Variants in MAML3 observed in about 807,000 individuals in gnomAD.
MAML3 encodes mastermind-like protein 3.
A neutral mutation model predicts 101.9 loss-of-function variants in MAML3; 27 were observed. The observed-to-expected ratio is 0.27, with a 90% CI of 0.20 to 0.37. MAML3 has a LOEUF of 0.37. Among genes scored for constraint, MAML3 ranks in the 10% least tolerant of loss-of-function variants. MAML3 has a pLI of 1.00. For missense variants in MAML3, 1,316 were observed against 1,444.9 expected (o/e 0.91, Z 1.45); for synonymous variants, 501 against 555.9 (o/e 0.90, Z 1.39).
chr4:139,755,307 A>C (rs917307655), intron 2 of MAML3, among the ~76,000 whole-genome samples: 1 of 152,236 alleles, frequency 6.6e-6, no homozygotes, highest in South Asian at 2.1e-4. Flanking sequence ...ATGTGGATTT[A>C]AGAAAACTGT....
intron 2 of MAML3, among the ~76,000 whole-genome samples, chr4:139,805,138 G>A (rs577279475): frequency 3.9e-5 from 6 of 152,170 alleles, no homozygotes; most frequent in Non-Finnish European, 8.8e-5. Context: ...GAGCCGAGAT[G>A]TAGTCATTGC....
rs1192869421 is a variant in MAML3 at position 140,104,359 on chromosome 4, AT to A, written c.468+48500del. ...CTGTCTCAAAAAAAAAACCAAACCT[AT>A]TTTATATATATATATAATATATATA... On this transcript the variant is annotated intron_variant, in intron 1 of 4. Transcript: ENST00000509479. Among the ~76,000 whole-genome samples the A allele has an allele frequency of 1.4e-4, 12 of 87,020 alleles. No individual in the cohort carries two copies. The South Asian group carries it at 3.8e-3, about 27-fold the overall frequency. 57.1% of individuals were successfully genotyped at this position (87,020 alleles called of 152,430 possible). A position where few individuals can be genotyped will look rare whatever the true frequency, so the allele number is the denominator to read the frequency against.
At chr4:139,935,356 T>C (rs2110732500) in intron 1 of MAML3, among the ~76,000 whole-genome samples, 1 of 152,306 alleles carries the variant, frequency 6.6e-6, no homozygotes, top group African/African-American at 2.4e-5. Flanking sequence ...GTTTTATATA[T>C]TGAATTATCT....
intron 3 of MAML3, among the ~76,000 whole-genome samples, chr4:139,729,855 C>T (rs1369509987): frequency 6.6e-6 from 1 of 152,150 alleles, no homozygotes; most frequent in African/African-American, 2.4e-5. Flanking sequence ...GTTTTAAAAG[C>T]TGTGGGGAGT....
intron 1 of MAML3, among the ~76,000 whole-genome samples, chr4:139,897,745 C>G (rs1015997156): frequency 6.6e-6 from 1 of 152,154 alleles, no homozygotes; most frequent in Admixed American, 6.5e-5. Flanking sequence ...TCACTTTAAG[C>G]TTTTCTAAAG....
chr4:139,820,854 A>G (rs949152722), intron 2 of MAML3, among the ~76,000 whole-genome samples: 11 of 152,114 alleles, frequency 7.2e-5, no homozygotes, highest in African/African-American at 2.7e-4. Context: ...CCTTATACAT[A>G]TATTTTTGAT....
chr4:140,074,571 C>A (rs898377152), intron 1 of MAML3, among the ~76,000 whole-genome samples: 1 of 152,210 alleles, frequency 6.6e-6, no homozygotes, highest in Non-Finnish European at 1.5e-5. Flanking sequence ...AATACAAGCA[C>A]ACAACATGCA....
At chr4:140,077,792 G>A (rs1727795641) in intron 1 of MAML3, among the ~76,000 whole-genome samples, 1 of 152,114 alleles carries the variant, frequency 6.6e-6, no homozygotes, top group Admixed American at 6.6e-5. Context: ...GGCCGAGGTG[G>A]GCGGATCATG....
intron 1 of MAML3, among the ~76,000 whole-genome samples, chr4:140,082,471 T>G (rs1727874253): frequency 6.6e-6 from 1 of 152,190 alleles, no homozygotes; most frequent in Non-Finnish European, 1.5e-5. Context: ...TTGCCTGTAT[T>G]TGCTTCCCAG....
At chr4:139,727,344 A>G (rs1199387466) in intron 3 of MAML3, among the ~76,000 whole-genome samples, 2 of 152,236 alleles carry the variant, frequency 1.3e-5, no homozygotes, top group Non-Finnish European at 2.9e-5. Flanking sequence ...GAAGGGCATT[A>G]CTGAGAGTAA....
chr4:139,941,175 A>G (rs527783363), intron 1 of MAML3, among the ~76,000 whole-genome samples: 15 of 152,304 alleles, frequency 9.8e-5, no homozygotes, highest in African/African-American at 3.4e-4. Flanking sequence ...GCTGTACATT[A>G]TTGGCAACAC....
chr4:140,132,078 ACC>A (rs1728803935), intron 1 of MAML3, among the ~76,000 whole-genome samples: 1 of 152,214 alleles, frequency 6.6e-6, no homozygotes, highest in African/African-American at 2.4e-5. Context: ...TGGAGCCTAC[ACC>A]CATGCAATCA....
intron 2 of MAML3, among the ~76,000 whole-genome samples, chr4:139,788,117 C>T (rs1252541814): frequency 6.6e-6 from 1 of 152,170 alleles, no homozygotes; most frequent in African/African-American, 2.4e-5. Flanking sequence ...TCAAGAAGCA[C>T]CTTTATTTCT....
At chr4:139,791,502 C>CA (rs534133306) in intron 2 of MAML3, among the ~76,000 whole-genome samples, 35,292 of 94,628 alleles carry the variant, frequency 0.37, 7,268 homozygotes, top group Admixed American at 0.46. Context: ...GACTCCATCT[C>CA]AAAAAAAAAA....
chr4:139,961,270 G>C (rs1019713211), intron 1 of MAML3, among the ~76,000 whole-genome samples: 1 of 152,156 alleles, frequency 6.6e-6, no homozygotes, highest in Non-Finnish European at 1.5e-5. Flanking sequence ...GGATGCTTTT[G>C]TTTGTTAAGA....
intron 1 of MAML3, among the ~76,000 whole-genome samples, chr4:139,899,017 A>G (rs1446165104): frequency 6.6e-6 from 1 of 152,224 alleles, no homozygotes; most frequent in Non-Finnish European, 1.5e-5. Context: ...TCTTGATCCC[A>G]CCTTCATAGT....
At chr4:139,752,072 T>A (rs1443052412) in intron 2 of MAML3, among the ~76,000 whole-genome samples, 1 of 152,196 alleles carries the variant, frequency 6.6e-6, no homozygotes, top group African/African-American at 2.4e-5. Context: ...ACTTTGGGAT[T>A]CGAATTCTAA....
At chr4:140,110,975 G>T (rs1181411542) in intron 1 of MAML3, among the ~76,000 whole-genome samples, 1 of 152,130 alleles carries the variant, frequency 6.6e-6, no homozygotes, top group East Asian at 1.9e-4. Context: ...TATAAATAAT[G>T]AATTCTTAGA....
chr4:140,150,639 G>T (rs978899950), intron 1 of MAML3, among the ~76,000 whole-genome samples: 1 of 152,166 alleles, frequency 6.6e-6, no homozygotes, highest in Non-Finnish European at 1.5e-5. Context: ...TGCGCGTGGG[G>T]TGTACAAATA....
Sources: gnomAD v4.1 joint callset for allele counts (sites outside exome capture counted in the v4.1 genomes callset) on GRCh38, gnomAD v4.1.1 for gene constraint, MANE v1.5 for transcripts, NCBI Gene and HGNC (gene_info 2026-07-23, HGNC 2026-07-21) for gene names.